CFAP251: variants seen among roughly 807,000 people sequenced by gnomAD.
CFAP251 encodes the protein cilia and flagella associated protein 251.
Under a neutral mutation model 126.7 loss-of-function variants are expected in CFAP251, and 93 were observed. The ratio of observed to expected loss-of-function variants is 0.73; its 90% CI spans 0.62 to 0.87. The LOEUF (loss-of-function observed/expected upper bound fraction) is 0.87. CFAP251 is among the 40% of genes least tolerant of loss of function. The probability of loss-of-function intolerance (pLI) is 0.00; values close to 1 mark genes in which losing one functional copy is unlikely to be tolerated. For missense variants in CFAP251, 1,287 were observed against 1,389.2 expected, an observed-to-expected ratio of 0.93 and a Z score of 1.17; for synonymous variants, 503 against 506.9, an observed-to-expected ratio of 0.99 and a Z score of 0.10.
At chr12:121,959,252 C>A in intron 13 of CFAP251, 158 bp downstream of exon 13, 1 of 729,704 alleles carries the variant, frequency 1.4e-6, no homozygotes, top group Non-Finnish European at 2.2e-6. Context: ...GCCTAGGAAA[C>A]ACAGCAGGAC....
At position 121,942,573 on chromosome 12, in the gene CFAP251, GA is replaced by G. The variant is rs1442646329; in HGVS notation, c.1040del (p.Asn347MetfsTer8). On this transcript the variant is annotated frameshift_variant, in exon 6 of 22. Transcript: ENST00000288912. LOFTEE classifies it high-confidence loss of function. ...HTIFDSCPEGNGIMAMAMTHD... is the reference protein window; with the variant it reads ...HTIFDSCPEGXGIMAMAMTHD... ...CAATATTTGACAGCTGCCCTGAAGG[GA>G]ATGGCATCATGGCCATGGCCATGAC... 1.2e-6 allele frequency: 2 copies of G among 1,613,858 alleles called. No individual in the cohort carries two copies. Among genetic ancestry groups the G allele is most frequent in the Non-Finnish European group, 1.7e-6 (2 of 1,179,982 alleles).
intron 19 of CFAP251, among the ~76,000 whole-genome samples, chr12:121,980,800 T>C (rs1427315189): frequency 6.6e-6 from 1 of 152,228 alleles, no homozygotes; most frequent in Non-Finnish European, 1.5e-5. Flanking sequence ...CTCTGGGTGA[T>C]TGGTTGGCCT....
rs375630307 is a variant in CFAP251, at chr12:121,934,204, C to T, written c.889-43C>T. 1.2e-5 allele frequency: 18 copies of T among 1,527,104 alleles called. No individual in the cohort carries two copies. In the African/African-American group the frequency reaches 1.2e-4, roughly 10 times the overall value. 94.6% of individuals were successfully genotyped at this position (1,527,104 alleles called of 1,614,324 possible). On this transcript the variant is annotated intron_variant, in intron 4 of 21. Coordinates refer to ENST00000288912, the MANE Select transcript of CFAP251 (RefSeq NM_144668.6). The stretch of plus-strand genomic sequence containing the variant: ...TTGCTGATAGTGGCCAAGGCTGGGC[C>T]GCATCTTGGATGTTTCAAAGCGTTT...
At chr12:121,956,326 G>T (rs1011016082) in intron 10 of CFAP251, among the ~76,000 whole-genome samples, 1 of 152,042 alleles carries the variant, frequency 6.6e-6, no homozygotes, top group African/African-American at 2.4e-5. Context: ...CCTCCATTGC[G>T]TATGGCTGAT....
chr12:121,960,481 G>C, intron 13 of CFAP251, 104 bp from the exon 14 acceptor site: 1 of 1,309,006 alleles, frequency 7.6e-7, no homozygotes, highest in Non-Finnish European at 1.1e-6. Flanking sequence ...GCCTCCCAAA[G>C]TGCTGGGATT....
chr12:121,921,200 G>A, intron 1 of CFAP251, 86 bp from the exon 2 acceptor site: 3 of 1,401,714 alleles, frequency 2.1e-6, no homozygotes, highest in Non-Finnish European at 2.9e-6. Context: ...AGCCATTTAT[G>A]CACATTTCAT....
intron 19 of CFAP251, among the ~76,000 whole-genome samples, chr12:121,989,000 T>G (rs1268093574): frequency 6.6e-6 from 1 of 152,168 alleles, no homozygotes; most frequent in East Asian, 1.9e-4. Flanking sequence ...CCTCCCAAAG[T>G]GCTGGGATCC....
At chr12:121,975,985 G>A (rs527434197) in intron 19 of CFAP251, among the ~76,000 whole-genome samples, 3 of 151,908 alleles carry the variant, frequency 2.0e-5, no homozygotes, top group Non-Finnish European at 4.4e-5. Flanking sequence ...CTTGCTAGGT[G>A]AGGACCAGCC....
intron 17 of CFAP251, 92 bp from the exon 18 acceptor site, chr12:121,975,152 C>T: frequency 4.0e-6 from 4 of 992,268 alleles, no homozygotes; most frequent in South Asian, 1.3e-5. Context: ...CTGTGATACC[C>T]TTCAGAGGGC....
intron 19 of CFAP251, among the ~76,000 whole-genome samples, chr12:121,987,456 C>T (rs757890837): frequency 1.3e-5 from 2 of 152,038 alleles, no homozygotes; most frequent in African/African-American, 2.4e-5. Flanking sequence ...GGTTCATACC[C>T]GTAATCCCAG....
chr12:121,949,156 C>A, intron 8 of CFAP251, 95 bp downstream of exon 8: 1 of 739,902 alleles, frequency 1.4e-6, no homozygotes. Flanking sequence ...AATATAGTAT[C>A]TCTACTTAGG....
chr12:121,953,503 A>G (rs1881604342), intron 9 of CFAP251: 1 of 152,290 alleles, frequency 6.6e-6, no homozygotes, highest in African/African-American at 2.4e-5. Flanking sequence ...TCCACAAATA[A>G]TGAGCCATTT....
At chr12:121,993,103 G>A (rs1280012026) in intron 19 of CFAP251, among the ~76,000 whole-genome samples, 17 of 141,834 alleles carry the variant, frequency 1.2e-4, no homozygotes, top group African/African-American at 3.8e-4. Flanking sequence ...TCAGCCTGCC[G>A]AGTGCCTGCG....
At chr12:121,935,496 G>A (rs1335448878) in intron 5 of CFAP251, among the ~76,000 whole-genome samples, 1 of 152,224 alleles carries the variant, frequency 6.6e-6, no homozygotes, top group Non-Finnish European at 1.5e-5. Flanking sequence ...AGCTGTGATG[G>A]CTCCTTAGGC....
At chr12:121,936,961 G>A (rs537173435) in intron 5 of CFAP251, among the ~76,000 whole-genome samples, 35 of 152,304 alleles carry the variant, frequency 2.3e-4, no homozygotes, top group South Asian at 1.0e-3. Context: ...GGGCTCTGGC[G>A]TCCACCTGGG....
chr12:121,991,582 A>G (rs1473501348), intron 19 of CFAP251, among the ~76,000 whole-genome samples: 1 of 152,220 alleles, frequency 6.6e-6, no homozygotes, highest in African/African-American at 2.4e-5. Flanking sequence ...CCTCCCGGTC[A>G]TTGTGAAGCC....
At chr12:121,953,938 C>A (rs1565911081) in intron 9 of CFAP251, 182 bp from the exon 10 acceptor site, 3 of 625,152 alleles carry the variant, frequency 4.8e-6, no homozygotes, top group Non-Finnish European at 8.2e-6. Flanking sequence ...TCTTAGCAAA[C>A]TTCCAGAGGT....
chr12:121,966,934 T>C, intron 15 of CFAP251, 21 bp from the exon 16 acceptor site: 1 of 1,607,706 alleles, frequency 6.2e-7, no homozygotes. Flanking sequence ...TTTTAAAAAC[T>C]CTTTCTCTTT....
In CFAP251 at chr12:121,958,022, G is replaced by C. The variant is rs1411909889; in HGVS notation, c.1731-250G>C. 3.3e-5 allele frequency among the ~76,000 whole-genome samples: 5 copies of C among 152,342 alleles called. No homozygotes were observed. In the South Asian group the frequency reaches 1.0e-3, roughly 32 times the overall value. ...ACACAAATGAATATTTGCATGTGCAGATTAGCTAATTGTACAACTGACTGT... is the reference window on the plus strand; with the variant it reads ...ACACAAATGAATATTTGCATGTGCACATTAGCTAATTGTACAACTGACTGT... On this transcript the variant is annotated intron_variant, in intron 11 of 21. Coordinates refer to ENST00000288912, the MANE Select transcript of CFAP251 (RefSeq NM_144668.6).
Sources: gnomAD v4.1 joint callset for allele counts (sites outside exome capture counted in the v4.1 genomes callset) on GRCh38, gnomAD v4.1.1 for gene constraint, MANE v1.5 for transcripts, NCBI Gene and HGNC (gene_info 2026-07-23, HGNC 2026-07-21) for gene names.